HHAT: variants seen among roughly 807,000 people sequenced by gnomAD.
The protein encoded by HHAT is protein-cysteine N-palmitoyltransferase HHAT.
A neutral mutation model predicts 70.8 loss-of-function variants in HHAT; 47 were observed. The observed-to-expected ratio is 0.66, with a 90% CI of 0.53 to 0.85. HHAT has a LOEUF of 0.85. Ranked by LOEUF, HHAT falls within the 40% of genes least tolerant of loss-of-function variation. HHAT has a pLI of 0.00. For missense variants in HHAT, 609 were observed against 604.8 expected, an observed-to-expected ratio of 1.01 and a Z score of -0.07; for synonymous variants, 228 against 247.6, an observed-to-expected ratio of 0.92 and a Z score of 0.74.
At chr1:210,330,349 T>C (rs2147895085) in intron 1 of HHAT, among the ~76,000 whole-genome samples, 1 of 152,352 alleles carries the variant, frequency 6.6e-6, no homozygotes, top group Non-Finnish European at 1.5e-5. Flanking sequence ...ATACATTATT[T>C]CTAAACCTTA....
intron 11 of HHAT, among the ~76,000 whole-genome samples, chr1:210,671,288 G>A (rs1029533827): frequency 2.0e-5 from 3 of 152,104 alleles, no homozygotes; most frequent in Non-Finnish European, 4.4e-5. Context: ...TCCAAAGCCC[G>A]CTCCCCTCAT....
At chr1:210,381,681 C>T (rs2090647422) in intron 3 of HHAT, among the ~76,000 whole-genome samples, 1 of 152,166 alleles carries the variant, frequency 6.6e-6, no homozygotes, top group African/African-American at 2.4e-5. Context: ...AAATACCATC[C>T]ATAGACATAA....
At chr1:210,361,912 C>CT (rs1232871731) in intron 2 of HHAT, among the ~76,000 whole-genome samples, 1 of 152,150 alleles carries the variant, frequency 6.6e-6, no homozygotes, top group Non-Finnish European at 1.5e-5. Flanking sequence ...GCATTCCTTC[C>CT]TGCATCATGG....
At chr1:210,500,040 A>G (rs985405295) in intron 8 of HHAT, among the ~76,000 whole-genome samples, 1 of 152,232 alleles carries the variant, frequency 6.6e-6, no homozygotes, top group African/African-American at 2.4e-5. Flanking sequence ...TTTTGTTTCA[A>G]TATAAAAGGA....
intron 9 of HHAT, among the ~76,000 whole-genome samples, chr1:210,545,525 C>T (rs1417786538): frequency 1.3e-5 from 2 of 151,832 alleles, no homozygotes; most frequent in East Asian, 3.9e-4. Context: ...CAACCTCCAC[C>T]TCCTGGGCTC....
chr1:210,640,892 A>G (rs1397741689), intron 11 of HHAT, among the ~76,000 whole-genome samples: 2 of 152,220 alleles, frequency 1.3e-5, no homozygotes, highest in African/African-American at 4.8e-5. Context: ...ACTAGAATTC[A>G]AGTTAAATGA....
At chr1:210,436,442 ATTCGGGGTC>A (rs964882356) in intron 7 of HHAT, among the ~76,000 whole-genome samples, 3 of 151,496 alleles carry the variant, frequency 2.0e-5, no homozygotes, top group African/African-American at 7.3e-5. Context: ...TGCTTTGGCT[ATTCGGGGTC>A]TTTTGTAGTT....
intron 11 of HHAT, among the ~76,000 whole-genome samples, chr1:210,634,314 C>T (rs1194971788): frequency 1.3e-5 from 2 of 152,144 alleles, no homozygotes; most frequent in African/African-American, 4.8e-5. Context: ...TGGATTTTTG[C>T]TGGGTAAACC....
At chr1:210,432,792 T>G (rs1251719610) in intron 7 of HHAT, among the ~76,000 whole-genome samples, 3 of 151,770 alleles carry the variant, frequency 2.0e-5, no homozygotes, top group African/African-American at 7.3e-5. Context: ...ATGGGCACCT[T>G]CAGCTTCAAG....
chr1:210,360,170 C>T (rs17708312), intron 2 of HHAT, among the ~76,000 whole-genome samples: 3,719 of 152,234 alleles, frequency 0.024, 56 homozygotes, highest in South Asian at 0.042. Context: ...AATTTGAAAA[C>T]AGTGAGTTCC....
intron 6 of HHAT, among the ~76,000 whole-genome samples, chr1:210,417,242 G>C (rs2092749762): frequency 6.6e-6 from 1 of 152,048 alleles, no homozygotes; most frequent in Non-Finnish European, 1.5e-5. Context: ...CTTTTGTTTT[G>C]TTTTGTTTTT....
At chr1:210,336,331 T>C (rs1228985246) in intron 1 of HHAT, among the ~76,000 whole-genome samples, 1 of 140,748 alleles carries the variant, frequency 7.1e-6, no homozygotes, top group Non-Finnish European at 1.5e-5. Context: ...TCTTACCATG[T>C]TGCCCAGGCT....
At position 210,403,326 on chromosome 1, in the gene HHAT, T is replaced by C. The variant is rs192017738; in HGVS notation, c.469-1138T>C. Reference sequence around the variant, plus strand: ...TAAAAACAAGCTCATACCTAACCTTTTGGGGACCTGGCAAGTGTACAAACA... The same window carrying C: ...TAAAAACAAGCTCATACCTAACCTTCTGGGGACCTGGCAAGTGTACAAACA... On this transcript the variant is annotated intron_variant, in intron 5 of 11. Transcript: ENST00000261458. Among the ~76,000 whole-genome samples the C allele has an allele frequency of 1.5e-3, 227 of 152,328 alleles. 1 individual carries two copies. Among genetic ancestry groups the C allele is most frequent in the Non-Finnish European group, 2.6e-3 (180 of 68,024 alleles).
intron 7 of HHAT, among the ~76,000 whole-genome samples, chr1:210,448,933 T>G (rs1356120539): frequency 6.6e-6 from 1 of 152,166 alleles, no homozygotes; most frequent in Non-Finnish European, 1.5e-5. Flanking sequence ...CCTCACCTCA[T>G]GCATACATGG....
At chr1:210,613,721 A>G (rs925422654) in intron 10 of HHAT, among the ~76,000 whole-genome samples, 2 of 152,166 alleles carry the variant, frequency 1.3e-5, no homozygotes, top group Non-Finnish European at 2.9e-5. Context: ...TTGTTATTTT[A>G]ACAATATTCT....
intron 7 of HHAT, among the ~76,000 whole-genome samples, chr1:210,460,985 C>A (rs1178473128): frequency 2.0e-5 from 3 of 152,068 alleles, no homozygotes; most frequent in African/African-American, 7.2e-5. Context: ...TGTGGGGAAG[C>A]AGTTGGGTTA....
At chr1:210,344,481 T>C (rs2086328565) in intron 1 of HHAT, among the ~76,000 whole-genome samples, 1 of 152,140 alleles carries the variant, frequency 6.6e-6, no homozygotes, top group African/African-American at 2.4e-5. Flanking sequence ...TGAATGTAAC[T>C]GAGTGTCCTA....
intron 2 of HHAT, among the ~76,000 whole-genome samples, chr1:210,361,533 T>A (rs1350074143): frequency 6.6e-6 from 1 of 151,710 alleles, no homozygotes; most frequent in Non-Finnish European, 1.5e-5. Context: ...GGTCTGACGC[T>A]TGGCTTGCTG....
chr1:210,374,033 A>AGTTAACTGTCTTTGCAAGTTCT (rs1437913157), intron 3 of HHAT: 1 of 152,254 alleles, frequency 6.6e-6, no homozygotes, highest in East Asian at 1.9e-4. Flanking sequence ...GGAAAACAAG[A>AGTTAACTGTCTTTGCAAGTTCT]GTTAACTGTC....
Sources: allele counts gnomAD v4.1 joint callset (sites outside exome capture counted in the v4.1 genomes callset), GRCh38; gene constraint gnomAD v4.1.1; transcripts MANE v1.5; gene names NCBI Gene and HGNC (gene_info 2026-07-23, HGNC 2026-07-21).